The following FHIP2A variants were observed in gnomAD, a reference collection of about 807,000 sequenced individuals.
The protein encoded by FHIP2A is family with sequence similarity 160 member B1.
FHIP2A carries 46 observed loss-of-function variants against 93.5 expected under a neutral mutation model. The observed-to-expected ratio is 0.49, with a 90% CI of 0.39 to 0.63. The LOEUF is 0.63. Among genes scored for constraint, FHIP2A ranks in the 20% least tolerant of loss-of-function variants. The probability of loss-of-function intolerance (pLI) is 0.00; values close to 1 mark genes in which losing one functional copy is unlikely to be tolerated. For synonymous variants in FHIP2A, 332 were observed against 326.5 expected (o/e 1.02, Z -0.18); for missense variants, 769 against 909.7 (o/e 0.85, Z 1.99).
chr10:114,885,265 A>G (rs2083936863), intron 16 of FHIP2A, among the ~76,000 whole-genome samples: 1 of 151,690 alleles, frequency 6.6e-6, no homozygotes, highest in African/African-American at 2.4e-5. Flanking sequence ...CGTGGTAGCA[A>G]GCATCTGTAA....
chr10:114,839,881 CAAAAAAAAAA>C (rs10612399), intron 5 of FHIP2A, among the ~76,000 whole-genome samples: 1 of 95,584 alleles, frequency 1.0e-5, no homozygotes, highest in Non-Finnish European at 2.1e-5. Flanking sequence ...GACTCTGTCT[CAAAAAAAAAA>C]AAAAAAAAAA....
intron 16 of FHIP2A, among the ~76,000 whole-genome samples, chr10:114,889,059 G>T (rs2083957436): frequency 6.6e-6 from 1 of 152,054 alleles, no homozygotes; most frequent in African/African-American, 2.4e-5. Flanking sequence ...TAGCCAAGAT[G>T]AAGTGCTGAG....
In FHIP2A at chr10:114,839,904, A is replaced by T. The variant is rs552278798; in HGVS notation, c.523-3029A>T. Reference sequence around the variant, plus strand: ...CTCAAAAAAAAAAAAAAAAAAAAGAAAAGAAACAGTCTTTGTCCTAAAGGA... The same window carrying T: ...CTCAAAAAAAAAAAAAAAAAAAAGATAAGAAACAGTCTTTGTCCTAAAGGA... On this transcript the variant is annotated intron_variant, in intron 5 of 16. Coordinates refer to ENST00000369248, the MANE Select transcript of FHIP2A (RefSeq NM_020940.4). Among the ~76,000 whole-genome samples the T allele has an allele frequency of 3.8e-4, 57 of 151,950 alleles. 1 individual carries two copies. In the East Asian group the frequency reaches 8.1e-3, roughly 22 times the overall value.
At chr10:114,889,847 G>A (rs58836644) in intron 16 of FHIP2A, among the ~76,000 whole-genome samples, 5,585 of 152,150 alleles carry the variant, frequency 0.037, 359 homozygotes, top group African/African-American at 0.13. Flanking sequence ...CATCCTACTC[G>A]CCTTAGCCTC....
At chr10:114,867,800 C>CA (rs1224733356), downstream of FHIP2A, among the ~76,000 whole-genome samples, 2 of 152,172 alleles carry the variant, frequency 1.3e-5, no homozygotes, top group Non-Finnish European at 2.9e-5. Context: ...GGCAGGTGGA[C>CA]AGGCCAGAGC....
Position 114,862,503 on chromosome 10 carries a change from A to AT in FHIP2A, c.*970dup. 1.0e-6 allele frequency: 1 copy of AT among 987,436 alleles called. No homozygotes were observed. The highest frequency in any genetic ancestry group is 1.2e-6 in the Non-Finnish European group (1 of 830,036). 61.2% of individuals were successfully genotyped at this position (987,436 alleles called of 1,614,324 possible). The stretch of plus-strand genomic sequence containing the variant: ...GTGCCAGTGGCTCCTCGATGTTTAC[A>AT]TTTTTTTCTATTTTGTTCAGTCTTT... On this transcript the variant is annotated 3_prime_UTR_variant, in exon 17 of 17. Transcript: ENST00000369248.
At chr10:114,839,283 C>T (rs773752174) in intron 5 of FHIP2A, among the ~76,000 whole-genome samples, 9 of 151,940 alleles carry the variant, frequency 5.9e-5, no homozygotes, top group Non-Finnish European at 1.2e-4. Flanking sequence ...CGCACCACCA[C>T]GCCCGGCTAA....
Position 114,843,243 on chromosome 10 carries a change from A to G in FHIP2A, c.816+17A>G, listed in dbSNP as rs1243492687. 1.3e-6 allele frequency: 2 copies of G among 1,528,998 alleles called. No individual in the cohort carries two copies. Among genetic ancestry groups the G allele is most frequent in the South Asian group, 2.5e-5 (2 of 79,614 alleles). 94.7% of individuals were successfully genotyped at this position (1,528,998 alleles called of 1,614,324 possible). The stretch of plus-strand genomic sequence containing the variant: ...AGAAGTCCTGTGAGTTATGGTCCTT[A>G]CTTTTTCCCCCCTAACATTATTTCA... On this transcript the variant is annotated intron_variant, in intron 6 of 16. Transcript: ENST00000369248.
rs74158082 is a variant in FHIP2A, at chr10:114,877,783, A to C, written c.2192+16449A>C. The stretch of plus-strand genomic sequence containing the variant: ...GTTCTGCAAAGGATCAATGGTTGAG[A>C]ATTTCTGCATGAAGTCATCTTGCGT... On this transcript the variant is annotated intron_variant, in intron 16 of 16. Transcript: ENST00000369250. 4.0e-3 allele frequency among the ~76,000 whole-genome samples: 610 copies of C among 152,318 alleles called. 7 individuals are homozygous for C. Among genetic ancestry groups the C allele is most frequent in the African/African-American group, 0.014 (589 of 41,554 alleles).
rs971799054 is a variant in FHIP2A, at chr10:114,846,356, A to G, written c.1387A>G (p.Ile463Val). ...TAGGTTAATTGAACATTGTGATCACATATCTGATGAGGTAAGCTACGTAAT... is the reference window on the plus strand; with the variant it reads ...TAGGTTAATTGAACATTGTGATCACGTATCTGATGAGGTAAGCTACGTAAT... Reference protein sequence around the residue: ...RHRLIEHCDHISDEISIMTLR... With the variant: ...RHRLIEHCDHVSDEISIMTLR... The change falls in exon 10 of 17, where the codon ATA (isoleucine) becomes GTA (valine). Residue 463 changes from isoleucine (I) to valine (V), a missense_variant. Physicochemically the swap from Ile to Val is conservative, Grantham distance 29. Transcript: ENST00000369248. 6.2e-7 allele frequency: 1 copy of G among 1,613,490 alleles called. No individual in the cohort carries two copies. Among genetic ancestry groups the G allele is most frequent in the Non-Finnish European group, 8.5e-7 (1 of 1,179,514 alleles).
At chr10:114,837,889 T>A (rs747041970) in intron 5 of FHIP2A, among the ~76,000 whole-genome samples, 4 of 152,252 alleles carry the variant, frequency 2.6e-5, no homozygotes, top group Non-Finnish European at 5.9e-5. Flanking sequence ...TGTATGGATG[T>A]ACCACAGTTG....
At chr10:114,847,892 G>C (rs79201119) in intron 12 of FHIP2A, among the ~76,000 whole-genome samples, 1 of 151,898 alleles carries the variant, frequency 6.6e-6, no homozygotes, top group Non-Finnish European at 1.5e-5. Flanking sequence ...GATTACAGTC[G>C]CATGGCTACT....
At chr10:114,868,906 CTT>C (rs2083843942), downstream of FHIP2A, among the ~76,000 whole-genome samples, 2 of 152,112 alleles carry the variant, frequency 1.3e-5, no homozygotes, top group Non-Finnish European at 2.9e-5. Flanking sequence ...GACAGCCACT[CTT>C]TTTCAAGGCT....
rs1231113872 is a variant in FHIP2A at position 114,863,499 on chromosome 10, C to T, written c.*1959C>T. ...GAAACCAAGCTCAGAAAAGCTTTAA[C>T]TCTTATATTTGTGTATATGTATGCT... On this transcript the variant is annotated 3_prime_UTR_variant, in exon 17 of 17. Transcript: ENST00000369248. The T allele has an allele frequency of 2.7e-5, 30 of 1,130,930 alleles. No homozygotes were observed. In the Admixed American group the frequency reaches 6.8e-4, roughly 26 times the overall value. The allele number at this position is 1,130,930 out of a possible 1,614,324, so 70.1% of individuals were successfully genotyped here.
At chr10:114,890,154 A>G (rs140091282) in intron 16 of FHIP2A, among the ~76,000 whole-genome samples, 50 of 152,024 alleles carry the variant, frequency 3.3e-4, no homozygotes, top group African/African-American at 9.2e-4. Context: ...CAGCCTCCCA[A>G]ATAGCTGGGA....
rs569578360 is a variant in FHIP2A at position 114,821,952 on chromosome 10, T to A, written c.-127T>A. The A allele has an allele frequency of 3.0e-4, 139 of 463,534 alleles. No homozygotes were observed. Among genetic ancestry groups the A allele is most frequent in the Non-Finnish European group, 4.2e-4 (123 of 296,178 alleles). The allele number at this position is 463,534 out of a possible 1,614,324, so 28.7% of individuals were successfully genotyped here. A position where few individuals can be genotyped will look rare whatever the true frequency, so the allele number is the denominator to read the frequency against. Reference sequence around the variant, plus strand: ...GCCAGGCCCTGCCTCGATCCTCAGCTCGTCCTCCCCGCCCCGCACCGGCCT... The same window carrying A: ...GCCAGGCCCTGCCTCGATCCTCAGCACGTCCTCCCCGCCCCGCACCGGCCT... On this transcript the variant is annotated 5_prime_UTR_variant, in exon 1 of 17. Transcript: ENST00000369248.
intron 12 of FHIP2A, 30 bp from the exon 13 acceptor site, chr10:114,848,617 C>A: frequency 7.8e-7 from 1 of 1,287,248 alleles, no homozygotes; most frequent in Non-Finnish European, 1.1e-6. Context: ...AAATGGACAT[C>A]TTGCATAATT....
At chr10:114,842,100 C>G (rs997879931) in intron 5 of FHIP2A, among the ~76,000 whole-genome samples, 1 of 152,062 alleles carries the variant, frequency 6.6e-6, no homozygotes, top group Non-Finnish European at 1.5e-5. Flanking sequence ...GCTCTGTGCC[C>G]AGGCTGGAGT....
chr10:114,881,007 C>T (rs1178191149), intron 16 of FHIP2A, among the ~76,000 whole-genome samples: 1 of 152,150 alleles, frequency 6.6e-6, no homozygotes, highest in Non-Finnish European at 1.5e-5. Flanking sequence ...CCAGTATAAA[C>T]ATAACAGAAA....
Sources: gnomAD v4.1 joint callset for allele counts (sites outside exome capture counted in the v4.1 genomes callset) on GRCh38, gnomAD v4.1.1 for gene constraint, MANE v1.5 for transcripts, NCBI Gene and HGNC (gene_info 2026-07-23, HGNC 2026-07-21) for gene names.